The following TRIO variants were observed in gnomAD, a reference collection of about 807,000 sequenced individuals.
TRIO encodes the protein triple functional domain protein.
A neutral mutation model predicts 351.9 loss-of-function variants in TRIO; 58 were observed. The ratio of observed to expected loss-of-function variants is 0.16; its 90% confidence interval spans 0.13 to 0.21. The LOEUF (loss-of-function observed/expected upper bound fraction) is 0.21, where lower values mean the gene tolerates loss of function less well. Among genes scored for constraint, TRIO ranks in the 10% least tolerant of loss-of-function variants. TRIO has a pLI of 1.00. For missense variants in TRIO, 3,201 were observed against 4,027.8 expected (o/e 0.79, Z 5.56); for synonymous variants, 1,758 against 1,595.7 (o/e 1.10, Z -2.42).
chr5:14,367,543 C>G (rs1408299542), intron 16 of TRIO, among the ~76,000 whole-genome samples: 1 of 152,184 alleles, frequency 6.6e-6, no homozygotes, highest in Non-Finnish European at 1.5e-5. Flanking sequence ...AGAACTGTCG[C>G]AAAATGACTC....
chr5:14,487,510 CGGCGGCGGCGGCAGCGGG>C lies in TRIO; in HGVS notation c.6886_6903del (p.Gly2296_Gly2301del), dbSNP rs760684191. The stretch of plus-strand genomic sequence containing the variant: ...ACCAGAGGAACCACAGCGGGGGCGG[CGGCGGCGGCGGCAGCGGG>C]GGCAGCGGCGGGGGTGGGGGCAGCG... On this transcript the variant is annotated inframe_deletion, in exon 48 of 57. Coordinates refer to ENST00000344204, the MANE Select transcript of TRIO (RefSeq NM_007118.4). The C allele has an allele frequency of 5.2e-6, 5 of 967,358 alleles. No homozygotes were observed. The South Asian group carries it at 2.1e-4, about 40-fold the overall frequency. 59.9% of individuals were successfully genotyped at this position (967,358 alleles called of 1,614,324 possible).
chr5:14,335,522 C>T (rs1269199412), intron 10 of TRIO, among the ~76,000 whole-genome samples: 2 of 152,306 alleles, frequency 1.3e-5, no homozygotes, highest in Admixed American at 6.5e-5. Context: ...TCAGGGCTCT[C>T]GCATGCCTTC....
In TRIO at chr5:14,472,465, C is replaced by A. The variant is rs540578251; in HGVS notation, c.5913-127C>A. The A allele has an allele frequency of 8.0e-6, 8 of 1,001,630 alleles. No individual in the cohort carries two copies. The Admixed American group carries it at 1.2e-4, about 15-fold the overall frequency. The allele number at this position is 1,001,630 out of a possible 1,614,324, so 62.0% of individuals were successfully genotyped here. A position where few individuals can be genotyped will look rare whatever the true frequency, so the allele number is the denominator to read the frequency against. ...ATTTGGGACTCTCCAGAATTTAACA[C>A]CTAAATGTACAAATTTGATACATTA... is the stretch of plus-strand genomic sequence containing the variant. On this transcript the variant is annotated intron_variant, in intron 38 of 56. Coordinates refer to ENST00000344204, the MANE Select transcript of TRIO (RefSeq NM_007118.4).
chr5:14,329,712 A>T (rs1437730046), intron 9 of TRIO, among the ~76,000 whole-genome samples: 1 of 151,244 alleles, frequency 6.6e-6, no homozygotes, highest in Non-Finnish European at 1.5e-5. Context: ...AATCTTTTAA[A>T]GTTTTTAGTT....
chr5:14,401,200 C>T (rs1224590661), intron 31 of TRIO, 136 bp downstream of exon 31: 1 of 664,530 alleles, frequency 1.5e-6, no homozygotes, highest in African/African-American at 1.9e-5. Context: ...AGATTGGTGA[C>T]TACCACAAAA....
At chr5:14,167,447 A>G (rs1047475100) in intron 1 of TRIO, among the ~76,000 whole-genome samples, 2 of 152,168 alleles carry the variant, frequency 1.3e-5, no homozygotes, top group African/African-American at 4.8e-5. Context: ...ACACGTCAAT[A>G]TGAGGCCAAC....
rs182464897 is a variant in TRIO at position 14,238,561 on chromosome 5, G to A, written c.158-32264G>A. Among the ~76,000 whole-genome samples, 4 of 152,262 alleles carry A rather than the reference G, an allele frequency of 2.6e-5. 1 individual carries two copies. In the East Asian group the frequency reaches 7.7e-4, roughly 29 times the overall value. On this transcript the variant is annotated intron_variant, in intron 1 of 56. Transcript: ENST00000344204. ...TGCATGGGACACCCGAGGAGATAAG[G>A]GGTATGAATCTTTCTTCTTTATGTT...
chr5:14,191,958 A>G (rs1431919926), intron 1 of TRIO, among the ~76,000 whole-genome samples: 1 of 152,180 alleles, frequency 6.6e-6, no homozygotes, highest in Non-Finnish European at 1.5e-5. Context: ...TATACCAGAC[A>G]AATTAGGAGA....
intron 7 of TRIO, among the ~76,000 whole-genome samples, chr5:14,303,379 A>T (rs1197476236): frequency 1.8e-4 from 22 of 120,344 alleles, no homozygotes; most frequent in South Asian, 3.1e-4. Context: ...TTGAGCCGGG[A>T]TTGGGATGGC....
At chr5:14,405,685 G>C (rs1748643748) in intron 31 of TRIO, among the ~76,000 whole-genome samples, 163 bp from the exon 32 acceptor site, 1 of 152,160 alleles carries the variant, frequency 6.6e-6, no homozygotes. Context: ...TTTTTAAATA[G>C]TCATTTATTT....
intron 20 of TRIO, 55 bp downstream of exon 20, chr5:14,378,182 C>A: frequency 7.5e-7 from 1 of 1,335,548 alleles, no homozygotes; most frequent in Non-Finnish European, 1.1e-6. Context: ...TCACACCTGT[C>A]TCCACAGAGA....
In TRIO at chr5:14,507,150, G is replaced by A. The variant is rs770882597; in HGVS notation, c.8641G>A (p.Val2881Met). ...MADQGRLLDC[V>M]VRWGSLTEGK... ...TGACCAGGGTCGCCTCCTGGACTGC[G>A]TGGTGCGATGGGGAAGCCTCACTGA... The change falls in exon 56 of 57, where the codon GTG (valine) becomes ATG (methionine). Residue 2881 changes from valine to methionine, a missense_variant. Around this residue, in one of 19 missense-constraint regions of TRIO, gnomAD observed 233 missense variants for 292.6 expected, o/e 0.80. Transcript: ENST00000344204. 1.1e-5 allele frequency: 17 copies of A among 1,611,182 alleles called. No individual in the cohort carries two copies. Among genetic ancestry groups the A allele is most frequent in the African/African-American group, 2.7e-5 (2 of 74,814 alleles).
chr5:14,416,012 C>T (rs894596926), intron 33 of TRIO, among the ~76,000 whole-genome samples: 1 of 151,098 alleles, frequency 6.6e-6, no homozygotes, highest in African/African-American at 2.4e-5. Context: ...AGGTGGGAGC[C>T]CATGATAGAA....
intron 1 of TRIO, among the ~76,000 whole-genome samples, chr5:14,201,752 A>G (rs1217893615): frequency 6.6e-6 from 1 of 152,158 alleles, no homozygotes; most frequent in Non-Finnish European, 1.5e-5. Flanking sequence ...GTTGTCTGTG[A>G]GTCACAGGCC....
At chr5:14,253,512 T>C (rs1794860702) in intron 1 of TRIO, among the ~76,000 whole-genome samples, 1 of 152,012 alleles carries the variant, frequency 6.6e-6, no homozygotes, top group Admixed American at 6.5e-5. Flanking sequence ...GCTGATTTCT[T>C]TTTTTTTGTG....
intron 36 of TRIO, among the ~76,000 whole-genome samples, chr5:14,463,410 C>T (rs1248937041): frequency 1.3e-5 from 2 of 152,180 alleles, no homozygotes; most frequent in African/African-American, 4.8e-5. Context: ...TTTGTAGGAT[C>T]CCTACGCTAG....
intron 1 of TRIO, among the ~76,000 whole-genome samples, chr5:14,217,980 T>C (rs1321337051): frequency 6.6e-6 from 1 of 152,220 alleles, no homozygotes; most frequent in Non-Finnish European, 1.5e-5. Flanking sequence ...TTCAGTAACT[T>C]TTTGAAAGAA....
intron 11 of TRIO, among the ~76,000 whole-genome samples, chr5:14,339,571 C>T (rs1579368031): frequency 6.6e-6 from 1 of 152,172 alleles, no homozygotes; most frequent in Admixed American, 6.5e-5. Context: ...ATGTTTTCCT[C>T]GACCTGCACC....
At chr5:14,505,378 C>T (rs1168074341) in intron 55 of TRIO, among the ~76,000 whole-genome samples, 4 of 152,200 alleles carry the variant, frequency 2.6e-5, no homozygotes, top group Non-Finnish European at 5.9e-5. Context: ...TGAAAAATGT[C>T]GATTCCTCCT....
Sources: allele counts gnomAD v4.1 joint callset (sites outside exome capture counted in the v4.1 genomes callset), GRCh38; gene constraint gnomAD v4.1.1; regional missense constraint gnomAD v4.1.1; transcripts MANE v1.5; gene names NCBI Gene and HGNC (gene_info 2026-07-23, HGNC 2026-07-21).